Variants in SPAG16 observed in about 807,000 individuals in gnomAD.
The protein encoded by SPAG16 is sperm-associated antigen 16 protein.
A neutral mutation model predicts 80.4 loss-of-function variants in SPAG16; 86 were observed. That is an observed-to-expected ratio of 1.07 (90% CI 0.90 to 1.28). The LOEUF (loss-of-function observed/expected upper bound fraction) is 1.28. Ranked by LOEUF, SPAG16 falls within the 50% of genes most tolerant of loss-of-function variation. The pLI is 0.00. For missense variants in SPAG16, 870 were observed against 765.3 expected, an observed-to-expected ratio of 1.14 and a Z score of -1.61; for synonymous variants, 294 against 265.9, an observed-to-expected ratio of 1.11 and a Z score of -1.03.
chr2:214,197,426 G>T (rs2057875599), intron 15 of SPAG16, among the ~76,000 whole-genome samples: 1 of 151,732 alleles, frequency 6.6e-6, no homozygotes, highest in African/African-American at 2.4e-5. Flanking sequence ...TCATTGTTTT[G>T]GACATAGTCT....
intron 10 of SPAG16, among the ~76,000 whole-genome samples, chr2:213,763,965 A>T (rs1481157072): frequency 6.6e-6 from 1 of 152,226 alleles, no homozygotes; most frequent in African/African-American, 2.4e-5. Context: ...GTGTGAACCA[A>T]CTAAAATAAA....
intron 12 of SPAG16, among the ~76,000 whole-genome samples, chr2:213,990,823 G>A (rs1405124356): frequency 1.3e-5 from 2 of 151,972 alleles, no homozygotes; most frequent in Non-Finnish European, 2.9e-5. Flanking sequence ...TCTCTAAGAA[G>A]CCACTGAAAA....
intron 11 of SPAG16, among the ~76,000 whole-genome samples, chr2:213,911,712 C>A (rs954238635): frequency 4.0e-5 from 6 of 151,670 alleles, no homozygotes; most frequent in Non-Finnish European, 8.8e-5. Flanking sequence ...AACATATTCT[C>A]CATGGAAAGA....
intron 9 of SPAG16, among the ~76,000 whole-genome samples, chr2:213,427,042 C>T (rs905613273): frequency 6.6e-6 from 1 of 151,744 alleles, no homozygotes; most frequent in African/African-American, 2.4e-5. Flanking sequence ...AAAAACAAAA[C>T]TAGTGAAAAT....
At position 213,635,159 on chromosome 2, in the gene SPAG16, T is replaced by A. The variant is rs112025489; in HGVS notation, c.1070+145069T>A. Among the ~76,000 whole-genome samples, 220 of 151,796 alleles carry A rather than the reference T, an allele frequency of 1.4e-3. 1 individual carries two copies. The highest frequency in any genetic ancestry group is 4.3e-3 in the African/African-American group (177 of 41,388). On this transcript the variant is annotated intron_variant, in intron 10 of 15. Coordinates refer to ENST00000331683, the MANE Select transcript of SPAG16 (RefSeq NM_024532.5). ...ATGCCATTCTCCTGCCTCAGCCTCC[T>A]GAGTAGCTGGGAATACAGGTGCCCG... is the stretch of plus-strand genomic sequence containing the variant.
At chr2:213,838,706 A>C (rs1201880171) in intron 10 of SPAG16, among the ~76,000 whole-genome samples, 1 of 152,246 alleles carries the variant, frequency 6.6e-6, no homozygotes, top group African/African-American at 2.4e-5. Context: ...AAGCAGAAAC[A>C]GAGCACAAGA....
intron 10 of SPAG16, among the ~76,000 whole-genome samples, chr2:213,567,537 C>G (rs1479869763): frequency 8.4e-6 from 1 of 119,244 alleles, no homozygotes; most frequent in Non-Finnish European, 1.6e-5. Flanking sequence ...CCAACTTCAT[C>G]CATGTCCCTA....
At chr2:213,729,530 A>T (rs879528918) in intron 10 of SPAG16, among the ~76,000 whole-genome samples, 15 of 152,222 alleles carry the variant, frequency 9.9e-5, no homozygotes, top group Non-Finnish European at 1.9e-4. Context: ...TCAGCCATCA[A>T]GGAGTCTTAT....
chr2:214,247,337 T>G (rs1330648641), intron 15 of SPAG16, among the ~76,000 whole-genome samples: 1 of 152,184 alleles, frequency 6.6e-6, no homozygotes, highest in Non-Finnish European at 1.5e-5. Context: ...TGAAGTCTAA[T>G]AGGTTTTGTT....
chr2:213,437,999 G>A (rs1392145185), intron 9 of SPAG16, among the ~76,000 whole-genome samples: 1 of 152,184 alleles, frequency 6.6e-6, no homozygotes, highest in Non-Finnish European at 1.5e-5. Flanking sequence ...TTACAGAGAG[G>A]CCCAGTGCTG....
At chr2:214,004,398 G>A (rs1158432335) in intron 12 of SPAG16, among the ~76,000 whole-genome samples, 3 of 152,068 alleles carry the variant, frequency 2.0e-5, no homozygotes, top group Admixed American at 6.6e-5. Context: ...CAGCAGAGAC[G>A]GGGAGGCAAG....
chr2:213,760,635 C>T (rs904011304), intron 10 of SPAG16, among the ~76,000 whole-genome samples: 3 of 151,654 alleles, frequency 2.0e-5, no homozygotes, highest in African/African-American at 7.3e-5. Flanking sequence ...CCAAAATAGA[C>T]TATATGTTAC....
intron 15 of SPAG16, among the ~76,000 whole-genome samples, chr2:214,176,890 A>C (rs576478995): frequency 1.3e-5 from 2 of 151,298 alleles, no homozygotes; most frequent in Admixed American, 6.6e-5. Context: ...TTTTAAAATT[A>C]CACTGGCTTT....
chr2:213,827,362 TA>T (rs1165682021), intron 10 of SPAG16, among the ~76,000 whole-genome samples: 1 of 152,110 alleles, frequency 6.6e-6, no homozygotes, highest in African/African-American at 2.4e-5. Context: ...GATTTGAGGT[TA>T]CCATGAGGCT....
chr2:213,874,752 T>C lies in SPAG16; in HGVS notation c.1214+12124T>C, dbSNP rs144542288. ...GCAATGACTTTATATGGCACATGAC[T>C]GTGCCTTATTCCATTGGCCAAAGCT... is the stretch of plus-strand genomic sequence containing the variant. On this transcript the variant is annotated intron_variant, in intron 11 of 15. Transcript: ENST00000331683. 2.0e-4 allele frequency among the ~76,000 whole-genome samples: 31 copies of C among 152,268 alleles called. 1 individual carries two copies. In the East Asian group the frequency reaches 5.6e-3, roughly 27 times the overall value.
chr2:213,872,327 A>T (rs2075985670), intron 11 of SPAG16, among the ~76,000 whole-genome samples: 1 of 118,942 alleles, frequency 8.4e-6, no homozygotes, highest in Admixed American at 8.9e-5. Flanking sequence ...GTAAGAGAGT[A>T]ACTTCATGTT....
intron 15 of SPAG16, among the ~76,000 whole-genome samples, chr2:214,223,478 T>A (rs1418758808): frequency 6.6e-6 from 1 of 151,384 alleles, no homozygotes; most frequent in South Asian, 2.1e-4. Context: ...AAAAAAAAAA[T>A]AAAGTTATAT....
At chr2:213,387,745 C>T (rs899819505) in intron 9 of SPAG16, among the ~76,000 whole-genome samples, 14 of 151,806 alleles carry the variant, frequency 9.2e-5, no homozygotes, top group African/African-American at 1.5e-4. Context: ...TGAGCCACCG[C>T]GCCCGGCCAT....
At chr2:213,453,169 A>G (rs983920706) in intron 9 of SPAG16, among the ~76,000 whole-genome samples, 1 of 152,188 alleles carries the variant, frequency 6.6e-6, no homozygotes. Context: ...TAATACACTT[A>G]TCAATATCAT....
Sources: gnomAD v4.1 joint callset for allele counts (sites outside exome capture counted in the v4.1 genomes callset) on GRCh38, gnomAD v4.1.1 for gene constraint, MANE v1.5 for transcripts, NCBI Gene and HGNC (gene_info 2026-07-23, HGNC 2026-07-21) for gene names.